The following KLHL40 variants were observed in gnomAD, a reference collection of about 807,000 sequenced individuals.
KLHL40 encodes the protein kelch like family member 40.
KLHL40 carries 44 observed loss-of-function variants against 49.7 expected under a neutral mutation model. The ratio of observed to expected loss-of-function variants is 0.89; its 90% CI spans 0.70 to 1.14. The LOEUF is 1.14. Ranked by LOEUF, KLHL40 falls within the 50% of genes most tolerant of loss-of-function variation. KLHL40 has a pLI of 0.00. For missense variants in KLHL40, 892 were observed against 850.3 expected (o/e 1.05, Z -0.61); for synonymous variants, 409 against 365.2 (o/e 1.12, Z -1.37).
In KLHL40 at chr3:42,686,382, A is replaced by G. The variant is rs139088361; in HGVS notation, c.764A>G (p.Gln255Arg). 8 of 1,613,376 alleles carry G rather than the reference A, an allele frequency of 5.0e-6. No individual in the cohort carries two copies. The African/African-American group carries it at 6.7e-5, about 13-fold the overall frequency. ...CAGCCCGAGTTGCTGCGCAAGGTGCAGATGGTGAAGGATGCACACGAGGGC... is the reference window on the plus strand; with the variant it reads ...CAGCCCGAGTTGCTGCGCAAGGTGCGGATGGTGAAGGATGCACACGAGGGC... ...RAQPELLRKV[Q>R]MVKDAHEGRI... Residue 255 changes from glutamine (Q) to arginine (R), a missense_variant, in exon 1 of 6, where the codon CAG becomes CGG. Transcript: ENST00000287777.
At chr3:42,690,778 G>A (rs1311992143) in intron 4 of KLHL40, 81 bp from the exon 5 acceptor site, 2 of 1,460,894 alleles carry the variant, frequency 1.4e-6, no homozygotes, top group African/African-American at 2.8e-5. Flanking sequence ...GTTGCAGTTG[G>A]AGCTGTGGGT....
chr3:42,686,846 G>A, intron 1 of KLHL40, 76 bp downstream of exon 1: 1 of 1,320,656 alleles, frequency 7.6e-7, no homozygotes, highest in Non-Finnish European at 1.0e-6. Flanking sequence ...GCCCAGAAGG[G>A]GCTTGTGTCT....
chr3:42,686,313 C>T lies in KLHL40; in HGVS notation c.695C>T (p.Ala232Val). Residue 232 changes from alanine to valine, a missense_variant, in exon 1 of 6, where the codon GCC becomes GTC. By Grantham distance (64) the Ala-to-Val change is moderately conservative. Transcript: ENST00000287777. ...ESVRCRLLPR[A>V]FLESRVERHP... ...GTGCGCTGCCGCTTGCTGCCGCGCG[C>T]CTTTCTGGAAAGCCGCGTGGAGCGC... is the stretch of plus-strand genomic sequence containing the variant. 1 of 1,603,032 alleles carries T rather than the reference C, an allele frequency of 6.2e-7. No individual in the cohort carries two copies. Among genetic ancestry groups the T allele is most frequent in the Non-Finnish European group, 8.5e-7 (1 of 1,174,868 alleles).
rs1380859888 is a variant in KLHL40 at position 42,688,796 on chromosome 3, C to T, written c.1422-73C>T. ...CTGTCAGGGGTTTGTCCTGGCTGCC[C>T]CGGCAGGTGATTGCAGGGAGGCGTG... On this transcript the variant is annotated intron_variant, in intron 3 of 5. Transcript: ENST00000287777. This position sits in a 1 kb window ranked among gnomAD's most constrained non-coding sequence, Gnocchi z 4.2. 5 of 1,585,894 alleles carry T rather than the reference C, an allele frequency of 3.2e-6. No individual in the cohort carries two copies. In the East Asian group the frequency reaches 6.7e-5, roughly 21 times the overall value.
rs1697391794 is a variant in KLHL40 at position 42,692,506 on chromosome 3, G to A, written c.*513G>A. 3.3e-6 allele frequency: 2 copies of A among 600,782 alleles called. No homozygotes were observed. Among genetic ancestry groups the A allele is most frequent in the Non-Finnish European group, 5.6e-6 (2 of 356,184 alleles). 37.2% of individuals were successfully genotyped at this position (600,782 alleles called of 1,614,324 possible). A position where few individuals can be genotyped will look rare whatever the true frequency, so the allele number is the denominator to read the frequency against. On this transcript the variant is annotated 3_prime_UTR_variant, in exon 6 of 6. Transcript: ENST00000287777. ...TGGGGCTTCAGTGTTCTGCTGTTGG[G>A]CTGCCAAGGTCGATGGTCTCTGCTC... is the stretch of plus-strand genomic sequence containing the variant.
At chr3:42,687,344 T>A (rs1299449309) in intron 1 of KLHL40, among the ~76,000 whole-genome samples, 3 of 152,104 alleles carry the variant, frequency 2.0e-5, no homozygotes, top group Non-Finnish European at 1.5e-5. Flanking sequence ...AAGGGGAAGA[T>A]GGCAGTGTTT....
chr3:42,689,156 C>A (rs339701), intron 4 of KLHL40, 102 bp downstream of exon 4: 4 of 1,000,636 alleles, frequency 4.0e-6, no homozygotes, highest in African/African-American at 1.6e-5. Flanking sequence ...CCAGTGTTGA[C>A]TTTGGACATC....
At position 42,687,418 on chromosome 3, in the gene KLHL40, G is replaced by A. The variant is rs780721036; in HGVS notation, c.1152+648G>A. The stretch of plus-strand genomic sequence containing the variant: ...TGAGCCTGGTGAGTGGTGTGCTCAG[G>A]GAGGCCTGATCAGCAAGAGGGGTGA... On this transcript the variant is annotated intron_variant, in intron 1 of 5. Transcript: ENST00000287777. Among the ~76,000 whole-genome samples the A allele has an allele frequency of 5.3e-5, 8 of 152,114 alleles. 1 individual carries two copies. The South Asian group carries it at 1.7e-3, about 31-fold the overall frequency.
In KLHL40 at chr3:42,689,059, G is replaced by A; in HGVS notation, c.1607+5G>A. ...GTACAGCATCACAGACAACAAGTAT[G>A]AAAGCTTGTCCCTTCCGCCAAGGAC... is the stretch of plus-strand genomic sequence containing the variant. On this transcript the variant is annotated splice_donor_5th_base_variant and intron_variant, in intron 4 of 5. Coordinates refer to ENST00000287777, the MANE Select transcript of KLHL40 (RefSeq NM_152393.4). 4 of 1,605,876 alleles carry A rather than the reference G, an allele frequency of 2.5e-6. No individual in the cohort carries two copies. Among genetic ancestry groups the A allele is most frequent in the Non-Finnish European group, 3.4e-6 (4 of 1,173,800 alleles).
rs927006651 is a variant in KLHL40 at position 42,692,347 on chromosome 3, G to C, written c.*354G>C. Reference sequence around the variant, plus strand: ...ACTCAGCCTTCTCGTCTGTCCGATGGGAGCATCCCCATCAAGTGCAGTGTA... The same window carrying C: ...ACTCAGCCTTCTCGTCTGTCCGATGCGAGCATCCCCATCAAGTGCAGTGTA... On this transcript the variant is annotated 3_prime_UTR_variant, in exon 6 of 6. Coordinates refer to ENST00000287777, the MANE Select transcript of KLHL40 (RefSeq NM_152393.4). 2 of 411,696 alleles carry C rather than the reference G, an allele frequency of 4.9e-6. No homozygotes were observed. Among genetic ancestry groups the C allele is most frequent in the Non-Finnish European group, 4.5e-6 (1 of 223,410 alleles). 25.5% of individuals were successfully genotyped at this position (411,696 alleles called of 1,614,324 possible). A position where few individuals can be genotyped will look rare whatever the true frequency, so the allele number is the denominator to read the frequency against.
In KLHL40 at chr3:42,688,986, C is replaced by T. The variant is rs535889406; in HGVS notation, c.1539C>T (p.Ile513=). 6.2e-6 allele frequency: 10 copies of T among 1,614,144 alleles called. No homozygotes were observed. Among genetic ancestry groups the T allele is most frequent in the East Asian group, 4.5e-5 (2 of 44,882 alleles). Residue 513 remains isoleucine, a synonymous_variant, in exon 4 of 6, where the codon ATC becomes ATT. Coordinates refer to ENST00000287777, the MANE Select transcript of KLHL40 (RefSeq NM_152393.4). This position sits in a 1 kb window ranked among gnomAD's most constrained non-coding sequence, Gnocchi z 4.2. ...CCACTGTCCATGATGGCCGCATTATCGTGGCAGCTGGGGTCACCGACACAG... is the reference window on the plus strand; with the variant it reads ...CCACTGTCCATGATGGCCGCATTATTGTGGCAGCTGGGGTCACCGACACAG... The part of the protein sequence containing the change: ...FGATVHDGRI[I]VAAGVTDTGL...
rs755383206 is a variant in KLHL40 at position 42,688,106 on chromosome 3, T to TG, written c.1153-30dup. 4 of 1,607,434 alleles carry TG rather than the reference T, an allele frequency of 2.5e-6. No individual in the cohort carries two copies. Among genetic ancestry groups the TG allele is most frequent in the African/African-American group, 1.4e-5 (1 of 73,246 alleles). On this transcript the variant is annotated intron_variant, in intron 1 of 5. Coordinates refer to ENST00000287777, the MANE Select transcript of KLHL40 (RefSeq NM_152393.4). The surrounding 1 kb of genome is among the most constrained non-coding windows in gnomAD (Gnocchi z 4.2). ...TGGGGCTGGGCTGAGGCTGGGGGAG[T>TG]GGGGGGCGGTAGCTGACTGGACACC... is the stretch of plus-strand genomic sequence containing the variant.
chr3:42,691,462 G>A (rs1697366436), intron 5 of KLHL40, among the ~76,000 whole-genome samples: 1 of 152,068 alleles, frequency 6.6e-6, no homozygotes, highest in South Asian at 2.1e-4. Context: ...AGCCTCTGGG[G>A]CATCTCCTTC....
In KLHL40 at chr3:42,688,659, C is replaced by T. The variant is rs749014777; in HGVS notation, c.1363C>T (p.His455Tyr). The change falls in exon 3 of 6, where the codon CAC (histidine) becomes TAC (tyrosine). Residue 455 changes from histidine to tyrosine, a missense_variant. Physicochemically the swap from His to Tyr is moderately conservative, Grantham distance 83. Coordinates refer to ENST00000287777, the MANE Select transcript of KLHL40 (RefSeq NM_152393.4). The surrounding 1 kb of genome is among the most constrained non-coding windows in gnomAD (Gnocchi z 4.2). Reference sequence around the variant, plus strand: ...CCCGCTGCCTTACGTGGTGTATGGCCACACAGTGCTCTCCCACATGGACCT... The same window carrying T: ...CCCGCTGCCTTACGTGGTGTATGGCTACACAGTGCTCTCCCACATGGACCT... ...SDPLPYVVYGHTVLSHMDLVY... is the reference protein window; with the variant it reads ...SDPLPYVVYGYTVLSHMDLVY... 3 of 1,614,010 alleles carry T rather than the reference C, an allele frequency of 1.9e-6. No individual in the cohort carries two copies. The highest frequency in any genetic ancestry group is 1.1e-5 in the South Asian group (1 of 91,080).
chr3:42,685,811 G>A lies in KLHL40; in HGVS notation c.193G>A (p.Glu65Lys), dbSNP rs779869498. 8 of 1,612,646 alleles carry A rather than the reference G, an allele frequency of 5.0e-6. 1 individual carries two copies. In the East Asian group the frequency reaches 8.9e-5, roughly 18 times the overall value. The change falls in exon 1 of 6, where the codon GAG (glutamate) becomes AAG (lysine). Residue 65 changes from glutamate (E) to lysine (K), a missense_variant. Physicochemically the swap from Glu to Lys is moderately conservative, Grantham distance 56 (BLOSUM62 1). Transcript: ENST00000287777. ...CTACTTCCGGGCGCGCTTTCTAGCC[G>A]AGCCGGAGCGCGCGGGCGAGCTGCA... ...SPYFRARFLAEPERAGELHLE... is the reference protein window; with the variant it reads ...SPYFRARFLAKPERAGELHLE...
chr3:42,688,646 C>T lies in KLHL40; in HGVS notation c.1350C>T (p.Tyr450=), dbSNP rs1486566170. 2.0e-5 allele frequency: 32 copies of T among 1,614,016 alleles called. No individual in the cohort carries two copies. Among genetic ancestry groups the T allele is most frequent in the Non-Finnish European group, 2.4e-5 (28 of 1,180,006 alleles). The change falls in exon 3 of 6, where the codon TAC becomes TAT. Residue 450 remains tyrosine (Y), a synonymous_variant. Transcript: ENST00000287777. This position sits in a 1 kb window ranked among gnomAD's most constrained non-coding sequence, Gnocchi z 4.2. The part of the protein sequence containing the change: ...FKWGESDPLP[Y]VVYGHTVLSH... Reference sequence around the variant, plus strand: ...GGGGTGAATCGGACCCGCTGCCTTACGTGGTGTATGGCCACACAGTGCTCT... The same window carrying T: ...GGGGTGAATCGGACCCGCTGCCTTATGTGGTGTATGGCCACACAGTGCTCT...
rs123508 is a variant in KLHL40, at chr3:42,692,339, G to T, written c.*346G>T. ...CCCACAGGACTCAGCCTTCTCGTCT[G>T]TCCGATGGGAGCATCCCCATCAAGT... On this transcript the variant is annotated 3_prime_UTR_variant, in exon 6 of 6. Coordinates refer to ENST00000287777, the MANE Select transcript of KLHL40 (RefSeq NM_152393.4). 23 of 417,866 alleles carry T rather than the reference G, an allele frequency of 5.5e-5. No homozygotes were observed. The highest frequency in any genetic ancestry group is 8.8e-5 in the Non-Finnish European group (20 of 227,012). The allele number at this position is 417,866 out of a possible 1,614,324, so 25.9% of individuals were successfully genotyped here. A position where few individuals can be genotyped will look rare whatever the true frequency, so the allele number is the denominator to read the frequency against.
rs1697305564 is a variant in KLHL40, at chr3:42,688,337, G to A, written c.1313+35G>A. On this transcript the variant is annotated intron_variant, in intron 2 of 5. Transcript: ENST00000287777. This position sits in a 1 kb window ranked among gnomAD's most constrained non-coding sequence, Gnocchi z 4.2. ...GCTGGGGTGGGGCTGAGCTCCGTGG[G>A]GGTGAGTGGGGCATGGAGGCCGCAG... The A allele has an allele frequency of 4.3e-6, 7 of 1,609,944 alleles. No homozygotes were observed. The Admixed American group carries it at 6.7e-5, about 15-fold the overall frequency.
chr3:42,688,933 A>T lies in KLHL40; in HGVS notation c.1486A>T (p.Met496Leu), dbSNP rs753293673. The T allele has an allele frequency of 1.2e-6, 2 of 1,614,032 alleles. No individual in the cohort carries two copies. The highest frequency in any genetic ancestry group is 2.7e-5 in the African/African-American group (2 of 74,910). Residue 496 changes from methionine (M) to leucine (L), a missense_variant, in exon 4 of 6, where the codon ATG becomes TTG. Coordinates refer to ENST00000287777, the MANE Select transcript of KLHL40 (RefSeq NM_152393.4). This position sits in a 1 kb window ranked among gnomAD's most constrained non-coding sequence, Gnocchi z 4.2. ...KKFEWKELAP[M>L]QTARSLFGAT... ...GTTTGAGTGGAAGGAGCTGGCACCC[A>T]TGCAGACCGCCCGCTCACTCTTTGG...
Sources: allele counts gnomAD v4.1 joint callset (sites outside exome capture counted in the v4.1 genomes callset), GRCh38; gene constraint gnomAD v4.1.1; non-coding constraint Gnocchi (gnomAD v3.1); transcripts MANE v1.5; gene names NCBI Gene and HGNC (gene_info 2026-07-23, HGNC 2026-07-21).